The following SLC4A4 variants were observed in gnomAD, a reference collection of about 807,000 sequenced individuals.
The protein encoded by SLC4A4 is electrogenic sodium bicarbonate cotransporter 1.
In SLC4A4, 27 loss-of-function variants were observed where a neutral mutation model predicts 111.5. The observed-to-expected ratio is 0.24, with a 90% CI of 0.18 to 0.33. The LOEUF (loss-of-function observed/expected upper bound fraction) is 0.33, where lower values mean the gene tolerates loss of function less well. Among genes scored for constraint, SLC4A4 ranks in the 10% least tolerant of loss-of-function variants. SLC4A4 has a pLI of 1.00. For synonymous variants in SLC4A4, 443 were observed against 463.4 expected (o/e 0.96, Z 0.57); for missense variants, 909 against 1,315.5 (o/e 0.69, Z 4.78).
chr4:71,424,758 G>A (rs1055252010), intron 7 of SLC4A4, among the ~76,000 whole-genome samples: 51 of 151,872 alleles, frequency 3.4e-4, no homozygotes, highest in African/African-American at 1.2e-3. Flanking sequence ...ACCAAACACC[G>A]CATATTCTCA....
At chr4:71,063,270 A>G (rs1741433317) in intron 1 of SLC4A4, among the ~76,000 whole-genome samples, 2 of 152,174 alleles carry the variant, frequency 1.3e-5, no homozygotes, top group South Asian at 4.1e-4. Context: ...AACCAATTTT[A>G]TTGGTAGTTT....
At chr4:71,522,949 T>C (rs1232131142) in intron 16 of SLC4A4, among the ~76,000 whole-genome samples, 2 of 152,186 alleles carry the variant, frequency 1.3e-5, no homozygotes, top group South Asian at 4.1e-4. Flanking sequence ...AAGTCTAGAA[T>C]TGTACAATTA....
intron 7 of SLC4A4, among the ~76,000 whole-genome samples, chr4:71,428,022 A>G (rs1166410569): frequency 6.6e-6 from 1 of 152,168 alleles, no homozygotes; most frequent in African/African-American, 2.4e-5. Context: ...TCCCATTAGA[A>G]AGAAAGTCCC....
chr4:71,149,151 AG>A (rs1481454554), intron 2 of SLC4A4, among the ~76,000 whole-genome samples: 1 of 152,166 alleles, frequency 6.6e-6, no homozygotes, highest in Admixed American at 6.5e-5. Context: ...CATTAAACAA[AG>A]TAGTTGAAGC....
chr4:71,147,241 TC>T (rs1289857048), intron 2 of SLC4A4, among the ~76,000 whole-genome samples: 1 of 152,100 alleles, frequency 6.6e-6, no homozygotes, highest in African/African-American at 2.4e-5. Context: ...CAAGAAGCCC[TC>T]CCCTTTCTCT....
chr4:71,435,290 C>G (rs764973763), intron 7 of SLC4A4, among the ~76,000 whole-genome samples: 6 of 152,090 alleles, frequency 3.9e-5, no homozygotes, highest in Non-Finnish European at 8.8e-5. Context: ...ACAAACCAGA[C>G]AAAAACAAGC....
chr4:71,550,108 A>G (rs1344915150), intron 20 of SLC4A4, among the ~76,000 whole-genome samples: 1 of 151,946 alleles, frequency 6.6e-6, no homozygotes, highest in Non-Finnish European at 1.5e-5. Flanking sequence ...GTAAGAATAA[A>G]TGAAAAATGC....
chr4:71,199,710 C>T (rs545774621), intron 1 of SLC4A4, among the ~76,000 whole-genome samples: 14 of 152,032 alleles, frequency 9.2e-5, no homozygotes, highest in East Asian at 3.9e-4. Context: ...AGTGCAGTGG[C>T]GCAATCTCGG....
chr4:71,394,820 A>C (rs1316735941), intron 6 of SLC4A4, among the ~76,000 whole-genome samples: 1 of 152,200 alleles, frequency 6.6e-6, no homozygotes, highest in Non-Finnish European at 1.5e-5. Context: ...GAAGTAACTC[A>C]GAAATGGAAA....
At chr4:71,361,110 G>A (rs1390884612) in intron 6 of SLC4A4, among the ~76,000 whole-genome samples, 1 of 152,060 alleles carries the variant, frequency 6.6e-6, no homozygotes, top group Non-Finnish European at 1.5e-5. Context: ...TGCACAGGCC[G>A]GTCAGAGTTT....
At chr4:71,477,515 CA>C (rs958022468) in intron 14 of SLC4A4, among the ~76,000 whole-genome samples, 5 of 151,126 alleles carry the variant, frequency 3.3e-5, no homozygotes, top group Middle Eastern at 3.4e-3. Flanking sequence ...GCTGTATTTA[CA>C]AAAAAAAGTT....
chr4:71,364,314 G>A (rs984997639), intron 6 of SLC4A4, among the ~76,000 whole-genome samples: 3 of 152,194 alleles, frequency 2.0e-5, no homozygotes, highest in African/African-American at 7.2e-5. Flanking sequence ...AATAAGGGTA[G>A]TGATGTCTTA....
chr4:71,538,123 T>C (rs961782783), intron 18 of SLC4A4, among the ~76,000 whole-genome samples: 29 of 152,064 alleles, frequency 1.9e-4, no homozygotes, highest in South Asian at 4.1e-4. Context: ...TGAAAAAAAT[T>C]TGTTAACAAA....
intron 3 of SLC4A4, among the ~76,000 whole-genome samples, chr4:71,311,890 T>TGAGAGAGAGAGAGA (rs761331086): frequency 0.016 from 1,258 of 76,382 alleles, 68 homozygotes; most frequent in Middle Eastern, 0.026. Context: ...TGCAAGGCTG[T>TGAGAGAGAGAGAGA]GAGAGAGAGA....
intron 2 of SLC4A4, among the ~76,000 whole-genome samples, chr4:71,250,696 C>T (rs1278700268): frequency 6.6e-6 from 1 of 152,114 alleles, no homozygotes; most frequent in African/African-American, 2.4e-5. Context: ...TAAAATTTGT[C>T]TATTCTCTTG....
chr4:71,540,447 A>G (rs111894914), intron 18 of SLC4A4, among the ~76,000 whole-genome samples: 54 of 152,334 alleles, frequency 3.5e-4, no homozygotes, highest in African/African-American at 1.3e-3. Context: ...TACTTAAAAT[A>G]ATCTCCAGTT....
At chr4:71,238,543 C>T (rs1026060384) in intron 2 of SLC4A4, among the ~76,000 whole-genome samples, 4 of 152,028 alleles carry the variant, frequency 2.6e-5, no homozygotes, top group African/African-American at 9.7e-5. Flanking sequence ...TTTATGAGAC[C>T]TCTATTTTAG....
At chr4:71,110,321 C>T (rs1027577434) in intron 2 of SLC4A4, among the ~76,000 whole-genome samples, 3 of 152,058 alleles carry the variant, frequency 2.0e-5, no homozygotes, top group Non-Finnish European at 4.4e-5. Context: ...CTCAAGAGAT[C>T]TTCCCACCTC....
chr4:71,190,725 G>A (rs1266956087), intron 1 of SLC4A4, among the ~76,000 whole-genome samples: 1 of 152,162 alleles, frequency 6.6e-6, no homozygotes, highest in Non-Finnish European at 1.5e-5. Context: ...CTGCACCTCA[G>A]CCTGGGCAAC....
Sources: gnomAD v4.1 joint callset for allele counts (sites outside exome capture counted in the v4.1 genomes callset) on GRCh38, gnomAD v4.1.1 for gene constraint, MANE v1.5 for transcripts, NCBI Gene and HGNC (gene_info 2026-07-23, HGNC 2026-07-21) for gene names.